The following FHOD3 variants were observed in gnomAD, a reference collection of about 807,000 sequenced individuals.
The protein encoded by FHOD3 is FH1/FH2 domain-containing protein 3.
Under a neutral mutation model 173.0 loss-of-function variants are expected in FHOD3, and 90 were observed. The ratio of observed to expected loss-of-function variants is 0.52; its 90% CI spans 0.44 to 0.62. FHOD3 has a LOEUF of 0.62. Ranked by LOEUF, FHOD3 falls within the 20% of genes least tolerant of loss-of-function variation. The probability of loss-of-function intolerance (pLI) is 0.00; values close to 1 mark genes in which losing one functional copy is unlikely to be tolerated. For missense variants in FHOD3, 1,945 were observed against 2,034.7 expected (o/e 0.96, Z 0.85); for synonymous variants, 828 against 823.0 (o/e 1.01, Z -0.10).
At chr18:36,492,727 C>T (rs12607440) in intron 3 of FHOD3, among the ~76,000 whole-genome samples, 11,414 of 152,160 alleles carry the variant, frequency 0.075, 496 homozygotes, top group East Asian at 0.22. Context: ...CACGTGTAGC[C>T]TCCTCATCCT....
chr18:36,513,529 TC>T, intron 5 of FHOD3, among the ~76,000 whole-genome samples: 1 of 152,314 alleles, frequency 6.6e-6, no homozygotes, highest in South Asian at 2.1e-4. Flanking sequence ...TCCTTTCTTT[TC>T]TTCTTGGGTG....
intron 16 of FHOD3, among the ~76,000 whole-genome samples, chr18:36,690,353 A>G (rs502154): frequency 0.67 from 101,188 of 152,048 alleles, 33,793 homozygotes; most frequent in East Asian, 0.68. Flanking sequence ...GTTTGTGGAT[A>G]GAAAGCCCGG....
chr18:36,357,044 T>C (rs1225944075), intron 2 of FHOD3, among the ~76,000 whole-genome samples: 3 of 152,202 alleles, frequency 2.0e-5, no homozygotes, highest in Admixed American at 1.3e-4. Flanking sequence ...TATCTTAATC[T>C]GTTGTCCAGG....
At chr18:36,417,554 G>A (rs2049733779) in intron 3 of FHOD3, among the ~76,000 whole-genome samples, 1 of 152,210 alleles carries the variant, frequency 6.6e-6, no homozygotes, top group Non-Finnish European at 1.5e-5. Context: ...ATAATAGAAT[G>A]ACTTATATTC....
At chr18:36,326,257 A>G (rs2044666286) in intron 1 of FHOD3, among the ~76,000 whole-genome samples, 2 of 152,226 alleles carry the variant, frequency 1.3e-5, no homozygotes, top group Admixed American at 1.3e-4. Flanking sequence ...AATTAGGTTG[A>G]CTTCTAATTT....
At chr18:36,655,897 A>T (rs1390844496) in intron 13 of FHOD3, among the ~76,000 whole-genome samples, 3 of 152,184 alleles carry the variant, frequency 2.0e-5, no homozygotes, top group Non-Finnish European at 2.9e-5. Flanking sequence ...GGAAAAACAC[A>T]TTCTGCTTGT....
chr18:36,766,083 A>C lies in FHOD3; in HGVS notation c.4625-3182A>C, dbSNP rs188900576. On this transcript the variant is annotated intron_variant, in intron 27 of 28. Transcript: ENST00000590592. ...GATAAAATCTTTAAAACAGAGAAGA[A>C]AGATACATTGCCTCCTATGGTGCAA... Among the ~76,000 whole-genome samples the C allele has an allele frequency of 2.7e-3, 417 of 152,274 alleles. 1 individual carries two copies. The highest frequency in any genetic ancestry group is 0.01 in the Middle Eastern group (3 of 294).
At chr18:36,624,589 A>G (rs1041410337) in intron 9 of FHOD3, among the ~76,000 whole-genome samples, 7 of 152,170 alleles carry the variant, frequency 4.6e-5, no homozygotes, top group African/African-American at 1.7e-4. Flanking sequence ...TGAGAAAGCC[A>G]TGAAGTAAGA....
chr18:36,479,387 T>C (rs75189965), intron 3 of FHOD3, among the ~76,000 whole-genome samples: 2 of 152,346 alleles, frequency 1.3e-5, no homozygotes, highest in African/African-American at 4.8e-5. Context: ...TGCAATACAG[T>C]GGAGCTGTCA....
chr18:36,590,137 C>T (rs528423677), intron 6 of FHOD3, among the ~76,000 whole-genome samples: 1 of 152,312 alleles, frequency 6.6e-6, no homozygotes, highest in South Asian at 2.1e-4. Context: ...CCCGATTTGC[C>T]TCTTCTCAGC....
At chr18:36,651,933 A>G (rs1414270366) in intron 11 of FHOD3, among the ~76,000 whole-genome samples, 3 of 152,176 alleles carry the variant, frequency 2.0e-5, no homozygotes, top group African/African-American at 7.2e-5. Flanking sequence ...AGGCGTCTGA[A>G]TGTCACAGGT....
chr18:36,658,174 G>A lies in FHOD3; in HGVS notation c.1821G>A (p.Glu607=). Residue 607 remains glutamate, a synonymous_variant, in exon 14 of 29, where the codon GAG becomes GAA. Transcript: ENST00000590592. ...CATCATCCGTCTCACCCCCACAGGA[G>A]GCCAGGTTGGAAAGGTGAGTTCGAC... ...TPTSSVSPPQ[E]ARLERSSPSG... The A allele has an allele frequency of 6.3e-7, 1 of 1,583,864 alleles. No homozygotes were observed.
intron 28 of FHOD3, among the ~76,000 whole-genome samples, chr18:36,771,963 G>T (rs2043404552): frequency 6.6e-6 from 1 of 152,196 alleles, no homozygotes. Context: ...CCCATCCTCT[G>T]GTCTACAGAG....
intron 27 of FHOD3, among the ~76,000 whole-genome samples, chr18:36,768,660 G>T (rs1056291130): frequency 3.9e-5 from 6 of 152,184 alleles, no homozygotes; most frequent in African/African-American, 1.4e-4. Flanking sequence ...AAAAATTTAA[G>T]TTACCAACCC....
At chr18:36,372,948 G>A (rs535268170) in intron 3 of FHOD3, among the ~76,000 whole-genome samples, 3 of 152,300 alleles carry the variant, frequency 2.0e-5, no homozygotes, top group Non-Finnish European at 2.9e-5. Context: ...TGACTGGAGC[G>A]TGAGGTAAGA....
At chr18:36,618,348 C>G (rs1204860361) in intron 9 of FHOD3, among the ~76,000 whole-genome samples, 1 of 108,446 alleles carries the variant, frequency 9.2e-6, no homozygotes, top group African/African-American at 3.5e-5. Flanking sequence ...TGGAGTTTCA[C>G]TCTTGCCCAG....
chr18:36,723,615 T>C (rs1284326810), intron 19 of FHOD3, among the ~76,000 whole-genome samples: 1 of 152,164 alleles, frequency 6.6e-6, no homozygotes, highest in Non-Finnish European at 1.5e-5. Context: ...TCTGCCTCTC[T>C]GAGCCCGACC....
At chr18:36,516,989 ATT>A (rs373070220) in intron 5 of FHOD3, among the ~76,000 whole-genome samples, 19 of 144,380 alleles carry the variant, frequency 1.3e-4, no homozygotes, top group African/African-American at 4.6e-4. Context: ...CCCTCTCAGC[ATT>A]TTTTTTTTTT....
intron 1 of FHOD3, among the ~76,000 whole-genome samples, chr18:36,312,235 C>G (rs1050400616): frequency 6.6e-6 from 1 of 152,164 alleles, no homozygotes; most frequent in African/African-American, 2.4e-5. Flanking sequence ...CGGTATTCAC[C>G]TGCCCTCTCT....
Sources: allele counts gnomAD v4.1 joint callset (sites outside exome capture counted in the v4.1 genomes callset), GRCh38; gene constraint gnomAD v4.1.1; transcripts MANE v1.5; gene names NCBI Gene and HGNC (gene_info 2026-07-23, HGNC 2026-07-21).